The following CACNB2 variants were observed in gnomAD, a reference collection of about 807,000 sequenced individuals.
CACNB2 encodes the protein voltage-dependent L-type calcium channel subunit beta-2.
A neutral mutation model predicts 73.3 loss-of-function variants in CACNB2; 42 were observed. That is an observed-to-expected ratio of 0.57 (90% CI 0.45 to 0.74). The LOEUF is 0.74. CACNB2 is among the 30% of genes least tolerant of loss of function. CACNB2 has a pLI of 0.00. For missense variants in CACNB2, 940 were observed against 853.0 expected, an observed-to-expected ratio of 1.10 and a Z score of -1.27; for synonymous variants, 348 against 310.3, an observed-to-expected ratio of 1.12 and a Z score of -1.28.
intron 2 of CACNB2, among the ~76,000 whole-genome samples, chr10:18,254,479 G>A (rs2037203195): frequency 6.6e-6 from 1 of 151,644 alleles, no homozygotes; most frequent in African/African-American, 2.4e-5. Flanking sequence ...CGTCTAGGTG[G>A]TAAATAAACA....
intron 3 of CACNB2, among the ~76,000 whole-genome samples, chr10:18,443,624 C>G (rs2046584536): frequency 6.6e-6 from 1 of 152,100 alleles, no homozygotes; most frequent in Non-Finnish European, 1.5e-5. Flanking sequence ...TTGTCCCTTT[C>G]CTCCCAGGAC....
At chr10:18,422,492 A>G (rs1326840805) in intron 3 of CACNB2, among the ~76,000 whole-genome samples, 1 of 152,218 alleles carries the variant, frequency 6.6e-6, no homozygotes, top group African/African-American at 2.4e-5. Context: ...TTAAGATTCC[A>G]TGGACACATC....
chr10:18,522,235 T>G (rs984629846), intron 9 of CACNB2, among the ~76,000 whole-genome samples: 19 of 151,954 alleles, frequency 1.3e-4, no homozygotes, highest in Non-Finnish European at 2.2e-4. Context: ...GATTCTACAT[T>G]ATGGTGAGTT....
intron 2 of CACNB2, among the ~76,000 whole-genome samples, chr10:18,182,315 A>G (rs2033927202): frequency 6.6e-6 from 1 of 151,768 alleles, no homozygotes; most frequent in Non-Finnish European, 1.5e-5. Flanking sequence ...ACAGAGCAAG[A>G]CTCCACCTCA....
At chr10:18,271,368 A>T (rs933928826) in intron 2 of CACNB2, among the ~76,000 whole-genome samples, 1 of 152,246 alleles carries the variant, frequency 6.6e-6, no homozygotes, top group Non-Finnish European at 1.5e-5. Context: ...TGAAAGCACG[A>T]AATTGACTAA....
Position 18,542,279 on chromosome 10 carries a change from G to A in CACNB2, c.*2555G>A, listed in dbSNP as rs550421895. ...TCAGTTCGTTAATTAGCCCTACACT[G>A]TTTACATAAATTTATTTACTGAGTA... On this transcript the variant is annotated 3_prime_UTR_variant, in exon 14 of 14. Transcript: ENST00000324631. The A allele has an allele frequency of 6.6e-4, 101 of 152,228 alleles. No homozygotes were observed. The highest frequency in any genetic ancestry group is 2.3e-3 in the African/African-American group (95 of 41,554). 9.4% of individuals were successfully genotyped at this position (152,228 alleles called of 1,614,324 possible).
chr10:18,538,230 G>C lies in CACNB2; in HGVS notation c.1353G>C (p.Glu451Asp). Reference sequence around the variant, plus strand: ...AGAACCAGCTTGAGGATGCCTGTGAGCACCTTGCCGACTATCTGGAGGCCT... The same window carrying C: ...AGAACCAGCTTGAGGATGCCTGTGACCACCTTGCCGACTATCTGGAGGCCT... ...LDENQLEDAC[E>D]HLADYLEAYW... The change falls in exon 13 of 14, where the codon GAG becomes GAC. Residue 451 changes from glutamate (E) to aspartate (D), a missense_variant. By Grantham distance (45) the Glu-to-Asp change is conservative (BLOSUM62 2). Coordinates refer to ENST00000324631, the MANE Select transcript of CACNB2 (RefSeq NM_201596.3). 1 of 1,614,120 alleles carries C rather than the reference G, an allele frequency of 6.2e-7. No homozygotes were observed. The highest frequency in any genetic ancestry group is 8.5e-7 in the Non-Finnish European group (1 of 1,180,024).
chr10:18,229,681 A>G (rs1250538252), intron 2 of CACNB2, among the ~76,000 whole-genome samples: 1 of 151,996 alleles, frequency 6.6e-6, no homozygotes, highest in Non-Finnish European at 1.5e-5. Context: ...TCAAAAGAAA[A>G]CACTCTTCTA....
chr10:18,217,927 G>A (rs1210044661), intron 2 of CACNB2, among the ~76,000 whole-genome samples: 6 of 152,104 alleles, frequency 3.9e-5, no homozygotes, highest in Non-Finnish European at 8.8e-5. Flanking sequence ...TGAGATGGTG[G>A]TGCATGCTTT....
chr10:18,151,247 G>T, intron 2 of CACNB2: 2 of 345,306 alleles, frequency 5.8e-6, no homozygotes. Context: ...AACTCCAGCA[G>T]AAATGATTAT....
intron 2 of CACNB2, among the ~76,000 whole-genome samples, chr10:18,390,399 G>A (rs866458386): frequency 1.3e-5 from 2 of 152,112 alleles, no homozygotes; most frequent in Non-Finnish European, 1.5e-5. Flanking sequence ...TTTTAGTAGC[G>A]ATGGGGGTTT....
At chr10:18,494,741 T>C (rs2049684012) in intron 3 of CACNB2, among the ~76,000 whole-genome samples, 1 of 151,960 alleles carries the variant, frequency 6.6e-6, no homozygotes, top group Non-Finnish European at 1.5e-5. Flanking sequence ...TCAGAAACTT[T>C]TCTGAATAAT....
intron 3 of CACNB2, among the ~76,000 whole-genome samples, chr10:18,445,226 C>T (rs187448309): frequency 8.7e-4 from 132 of 152,220 alleles, no homozygotes; most frequent in African/African-American, 2.5e-3. Flanking sequence ...CTCTCAGGAA[C>T]GAGAGGGGAA....
At chr10:18,410,709 C>T (rs1333619897) in intron 3 of CACNB2, among the ~76,000 whole-genome samples, 1 of 152,052 alleles carries the variant, frequency 6.6e-6, no homozygotes, top group Non-Finnish European at 1.5e-5. Flanking sequence ...TGGCTGGGCG[C>T]GGTGGCTCAT....
At chr10:18,395,070 A>C (rs980686095) in intron 2 of CACNB2, among the ~76,000 whole-genome samples, 1 of 152,184 alleles carries the variant, frequency 6.6e-6, no homozygotes, top group Non-Finnish European at 1.5e-5. Context: ...GTATTCCAGG[A>C]GTGCCTGAGT....
intron 2 of CACNB2, among the ~76,000 whole-genome samples, chr10:18,186,155 C>G (rs994001345): frequency 6.6e-6 from 1 of 152,154 alleles, no homozygotes; most frequent in African/African-American, 2.4e-5. Flanking sequence ...CATGGTAGCG[C>G]ACACCTGTAA....
intron 3 of CACNB2, among the ~76,000 whole-genome samples, chr10:18,479,911 G>A (rs2048636324): frequency 6.6e-6 from 1 of 152,146 alleles, no homozygotes; most frequent in Non-Finnish European, 1.5e-5. Flanking sequence ...ACACAAGACA[G>A]CTCATTACTT....
At chr10:18,199,029 C>T (rs1188711280) in intron 2 of CACNB2, among the ~76,000 whole-genome samples, 2 of 152,040 alleles carry the variant, frequency 1.3e-5, no homozygotes, top group Non-Finnish European at 2.9e-5. Context: ...TCGTGATTCT[C>T]CTAATGCCTG....
chr10:18,326,088 C>G (rs1345619241), intron 2 of CACNB2, among the ~76,000 whole-genome samples: 1 of 152,022 alleles, frequency 6.6e-6, no homozygotes, highest in Non-Finnish European at 1.5e-5. Context: ...CTATGCTAAC[C>G]TGACTCTGTT....
Sources: allele counts gnomAD v4.1 joint callset (sites outside exome capture counted in the v4.1 genomes callset), GRCh38; gene constraint gnomAD v4.1.1; transcripts MANE v1.5; gene names NCBI Gene and HGNC (gene_info 2026-07-23, HGNC 2026-07-21).